Variants in KANSL1L observed in about 807,000 individuals in gnomAD.
KANSL1L encodes KAT8 regulatory NSL complex subunit 1 like, also known as KAT8 regulatory NSL complex subunit 1-like protein.
KANSL1L carries 25 observed loss-of-function variants against 108.6 expected under a neutral mutation model. The ratio of observed to expected loss-of-function variants is 0.23; its 90% CI spans 0.17 to 0.32. The LOEUF (loss-of-function observed/expected upper bound fraction) is 0.32, where lower values mean the gene tolerates loss of function less well. Ranked by LOEUF, KANSL1L falls within the 10% of genes least tolerant of loss-of-function variation. The pLI is 1.00. For missense variants in KANSL1L, 1,137 were observed against 1,125.7 expected, an observed-to-expected ratio of 1.01 and a Z score of -0.14; for synonymous variants, 405 against 395.1, an observed-to-expected ratio of 1.03 and a Z score of -0.30.
chr2:210,096,321 T>A (rs1046814998), intron 5 of KANSL1L: 1 of 166,110 alleles, frequency 6.0e-6, no homozygotes, highest in Non-Finnish European at 1.2e-5. Context: ...TTTTATTACA[T>A]AATATTTTAT....
chr2:210,032,773 A>G (rs1020224854), intron 8 of KANSL1L: 1 of 152,234 alleles, frequency 6.6e-6, no homozygotes, highest in African/African-American at 2.4e-5. Flanking sequence ...CACAGCTTCA[A>G]TGATGAGTAT....
intron 3 of KANSL1L, among the ~76,000 whole-genome samples, chr2:210,125,080 C>T (rs1471797685): frequency 6.6e-6 from 1 of 152,026 alleles, no homozygotes; most frequent in East Asian, 1.9e-4. Context: ...ATGGTGAAAT[C>T]CCGTCTCTAC....
intron 1 of KANSL1L, chr2:210,170,184 A>C (rs1379766657): frequency 5.5e-6 from 1 of 182,136 alleles, no homozygotes; most frequent in East Asian, 1.9e-4. Context: ...TGGCTAACAA[A>C]CCTGCCCCAT....
chr2:210,044,512 C>T lies in KANSL1L; in HGVS notation c.1756-408G>A, dbSNP rs1466729896. Among the ~76,000 whole-genome samples the T allele has an allele frequency of 6.6e-6, 1 of 151,140 alleles. No individual in the cohort carries two copies. The highest frequency in any genetic ancestry group is 1.5e-5 in the Non-Finnish European group (1 of 67,912). On this transcript the variant is annotated intron_variant, in intron 6 of 14. Transcript: ENST00000281772. The surrounding 1 kb of genome is among the most constrained non-coding windows in gnomAD (Gnocchi z 4.2). ...AATGAATAAAAATGATCAAAGGAGA[C>T]ATATGTGTTTTGTTCCTGATTGTAA...
At chr2:210,075,431 G>C (rs1168174284) in intron 6 of KANSL1L, 121 bp downstream of exon 6, 2 of 665,812 alleles carry the variant, frequency 3.0e-6, no homozygotes, top group Non-Finnish European at 5.1e-6. Context: ...ATATTTGTAA[G>C]TTTTCTACAT....
chr2:210,063,254 G>T (rs1268463274), intron 6 of KANSL1L, among the ~76,000 whole-genome samples: 2 of 152,244 alleles, frequency 1.3e-5, no homozygotes, highest in African/African-American at 4.8e-5. Flanking sequence ...GATTTCAGAA[G>T]ATGTATGGAA....
intron 1 of KANSL1L, chr2:210,170,403 C>T (rs1034839409): frequency 7.0e-5 from 69 of 985,168 alleles, no homozygotes; most frequent in Non-Finnish European, 8.2e-5. Context: ...ACAAGAACGT[C>T]CATCCAGTGC....
At chr2:210,034,265 A>G (rs2094068773) in intron 8 of KANSL1L, among the ~76,000 whole-genome samples, 1 of 152,236 alleles carries the variant, frequency 6.6e-6, no homozygotes, top group South Asian at 2.1e-4. Context: ...GTGAAACTAC[A>G]TGATGTTACT....
chr2:210,074,064 AAT>A (rs147011324), intron 6 of KANSL1L, among the ~76,000 whole-genome samples: 3,930 of 152,268 alleles, frequency 0.026, 72 homozygotes, highest in Non-Finnish European at 0.038. Flanking sequence ...GTGCTATAAC[AAT>A]ATATATACCA....
At chr2:210,052,163 C>G (rs1191603387) in intron 6 of KANSL1L, among the ~76,000 whole-genome samples, 1 of 151,908 alleles carries the variant, frequency 6.6e-6, no homozygotes, top group Non-Finnish European at 1.5e-5. Flanking sequence ...ACCACCATAC[C>G]TGGATCATTT....
At chr2:210,085,578 A>G (rs980756476) in intron 5 of KANSL1L, among the ~76,000 whole-genome samples, 2 of 152,138 alleles carry the variant, frequency 1.3e-5, no homozygotes, top group African/African-American at 4.8e-5. Context: ...GGAAAACAAA[A>G]ATACAAAAAA....
At chr2:210,050,673 A>G (rs1261031102) in intron 6 of KANSL1L, among the ~76,000 whole-genome samples, 1 of 149,106 alleles carries the variant, frequency 6.7e-6, no homozygotes, top group Non-Finnish European at 1.5e-5. Context: ...CTGGGGCAAC[A>G]TAGTGAGACC....
At chr2:210,172,564 T>A (rs1464358399), upstream of KANSL1L, among the ~76,000 whole-genome samples, 6 of 152,246 alleles carry the variant, frequency 3.9e-5, no homozygotes, top group Non-Finnish European at 7.3e-5. Context: ...TATATTTTTT[T>A]AATTACTGAA....
chr2:210,172,344 A>G (rs1688381052), upstream of KANSL1L, among the ~76,000 whole-genome samples: 3 of 152,258 alleles, frequency 2.0e-5, no homozygotes, highest in South Asian at 6.2e-4. Context: ...TTTTTAAGCC[A>G]GAAGGATAAT....
intron 5 of KANSL1L, among the ~76,000 whole-genome samples, chr2:210,087,522 C>T (rs7573093): frequency 0.97 from 148,196 of 152,304 alleles, 72,227 homozygotes; most frequent in Middle Eastern, 1. Flanking sequence ...AGAAAAAATA[C>T]GTTAAGTACA....
Position 210,154,021 on chromosome 2 carries a change from T to C in KANSL1L, c.562A>G (p.Ile188Val), listed in dbSNP as rs2095319503. The part of the protein sequence containing the change: ...ALLDKVTDAE[I>V]KKGLLHCTQK... ...GTACAGTGCAATAAACCCTTTTTAA[T>C]CTCAGCATCAGTAACTTTATCCAAA... The change falls in exon 2 of 15, where the codon ATT (isoleucine) becomes GTT (valine). Residue 188 changes from isoleucine (I) to valine (V), a missense_variant. Coordinates refer to ENST00000281772, the MANE Select transcript of KANSL1L (RefSeq NM_152519.4). 1.2e-6 allele frequency: 2 copies of C among 1,613,880 alleles called. No homozygotes were observed. The highest frequency in any genetic ancestry group is 1.7e-6 in the Non-Finnish European group (2 of 1,180,012).
At chr2:210,032,162 G>A (rs1559500793) in intron 8 of KANSL1L, 1 of 152,138 alleles carries the variant, frequency 6.6e-6, no homozygotes, top group Admixed American at 6.5e-5. Context: ...TTTTTTGAAA[G>A]GTTTGGAGAT....
intron 2 of KANSL1L, among the ~76,000 whole-genome samples, chr2:210,136,627 G>C (rs1187203742): frequency 6.6e-6 from 1 of 152,076 alleles, no homozygotes; most frequent in Non-Finnish European, 1.5e-5. Flanking sequence ...ACTGTACACG[G>C]GCCTGGATGA....
At chr2:210,061,695 T>C (rs1410213456) in intron 6 of KANSL1L, among the ~76,000 whole-genome samples, 1 of 152,198 alleles carries the variant, frequency 6.6e-6, no homozygotes, top group Non-Finnish European at 1.5e-5. Context: ...AACTAAAGTG[T>C]ACCAGTAATG....
Sources: gnomAD v4.1 joint callset for allele counts (sites outside exome capture counted in the v4.1 genomes callset) on GRCh38, gnomAD v4.1.1 for gene constraint, Gnocchi (gnomAD v3.1) non-coding constraint, MANE v1.5 for transcripts, NCBI Gene and HGNC (gene_info 2026-07-23, HGNC 2026-07-21) for gene names.